GAS2L3: variants seen among roughly 807,000 people sequenced by gnomAD.
GAS2L3 encodes the protein growth arrest specific 2 like 3, also known as GAS2-like protein 3.
In GAS2L3, 28 loss-of-function variants were observed where a neutral mutation model predicts 37.0. That is an observed-to-expected ratio of 0.76 (90% CI 0.56 to 1.04). GAS2L3 has a LOEUF of 1.04. GAS2L3 is among the 50% of genes least tolerant of loss of function. GAS2L3 has a pLI of 0.00. For synonymous variants in GAS2L3, 290 were observed against 296.6 expected, an observed-to-expected ratio of 0.98 and a Z score of 0.23; for missense variants, 793 against 817.6, an observed-to-expected ratio of 0.97 and a Z score of 0.37.
chr12:100,598,522 G>C (rs1955943074), intron 3 of GAS2L3, among the ~76,000 whole-genome samples: 1 of 152,094 alleles, frequency 6.6e-6, no homozygotes, highest in African/African-American at 2.4e-5. Flanking sequence ...TTCCGATGCT[G>C]TCTGTCAGGT....
chr12:100,585,256 T>C (rs1320852144), intron 1 of GAS2L3, among the ~76,000 whole-genome samples: 9 of 151,076 alleles, frequency 6.0e-5, no homozygotes, highest in Admixed American at 5.9e-4. Flanking sequence ...ACTCTTTTTT[T>C]TTCTTCCCCC....
chr12:100,623,184 CAGAGCATAGGACTT>C (rs1956280608), intron 9 of GAS2L3, among the ~76,000 whole-genome samples: 1 of 152,106 alleles, frequency 6.6e-6, no homozygotes, highest in Non-Finnish European at 1.5e-5. Context: ...TAGTAGTGCA[CAGAGCATAGGACTT>C]AGAGTTAAAA....
Position 100,624,019 on chromosome 12 carries a change from C to T in GAS2L3, c.1214C>T (p.Ser405Leu), listed in dbSNP as rs142890138. 501 of 1,614,126 alleles carry T rather than the reference C, an allele frequency of 3.1e-4. No homozygotes were observed. Among genetic ancestry groups the T allele is most frequent in the Non-Finnish European group, 3.8e-4 (454 of 1,180,004 alleles). Residue 405 changes from serine (S) to leucine (L), a missense_variant, in exon 10 of 10, where the codon TCA becomes TTA. Physicochemically the swap from Ser to Leu is moderately radical, Grantham distance 145. Transcript: ENST00000547754. ...PQAPSNNASS[S>L]LASLNPVGKN... ...GCTCCTTCAAACAATGCATCATCTT[C>T]ACTTGCTTCATTAAATCCAGTAGGT...
intron 1 of GAS2L3, chr12:100,579,738 G>T (rs1955686218): frequency 2.7e-6 from 2 of 739,694 alleles, no homozygotes; most frequent in African/African-American, 1.7e-5. Context: ...AAGTACCAGG[G>T]TTGGTGGAAT....
At chr12:100,577,845 A>T (rs564295624) in intron 1 of GAS2L3, among the ~76,000 whole-genome samples, 2 of 152,356 alleles carry the variant, frequency 1.3e-5, no homozygotes, top group Admixed American at 1.3e-4. Flanking sequence ...GCATAGGTGG[A>T]TCAGCAAGTG....
chr12:100,620,235 G>A (rs967579108), intron 8 of GAS2L3, among the ~76,000 whole-genome samples: 1 of 151,866 alleles, frequency 6.6e-6, no homozygotes, highest in Non-Finnish European at 1.5e-5. Flanking sequence ...AATCTTAACA[G>A]GATAATCATT....
rs1955679861 is a variant in GAS2L3, at chr12:100,579,399, C to A, written c.-152+5614C>A. On this transcript the variant is annotated intron_variant, in intron 1 of 9. Transcript: ENST00000547754. Reference sequence around the variant, plus strand: ...GATCCTATTGACTTCACTCCAGACCCATTTAGAAGGCATGATAGTATAACT... The same window carrying A: ...GATCCTATTGACTTCACTCCAGACCAATTTAGAAGGCATGATAGTATAACT... 5.3e-6 allele frequency: 5 copies of A among 946,098 alleles called. No individual in the cohort carries two copies. The Admixed American group carries it at 8.4e-5, about 16-fold the overall frequency. The allele number at this position is 946,098 out of a possible 1,614,324, so 58.6% of individuals were successfully genotyped here.
intron 1 of GAS2L3, chr12:100,579,010 C>T: frequency 1.2e-6 from 1 of 833,696 alleles, no homozygotes; most frequent in South Asian, 1.3e-5. Context: ...ACCTCAAAGT[C>T]TATTACTTGC....
intron 1 of GAS2L3, chr12:100,578,717 A>C (rs1241467356): frequency 4.3e-6 from 2 of 464,162 alleles, no homozygotes; most frequent in East Asian, 7.9e-5. Context: ...GGGTTGCTCT[A>C]AGAACTGATG....
At chr12:100,586,787 G>T (rs1955786977) in intron 1 of GAS2L3, among the ~76,000 whole-genome samples, 1 of 152,094 alleles carries the variant, frequency 6.6e-6, no homozygotes, top group Non-Finnish European at 1.5e-5. Context: ...GAAACAAAAA[G>T]CTGGTTCTTT....
In GAS2L3 at chr12:100,626,465, T is replaced by G. The variant is rs1565818069; in HGVS notation, c.*1575T>G. ...TTAACTCGACTATTGACTTGGGCAT[T>G]GAGAGAGATGATATATACATCTTTG... On this transcript the variant is annotated 3_prime_UTR_variant, in exon 10 of 10. Transcript: ENST00000547754. 6.6e-6 allele frequency: 1 copy of G among 152,174 alleles called. No individual in the cohort carries two copies. Among genetic ancestry groups the G allele is most frequent in the African/African-American group, 2.4e-5 (1 of 41,434 alleles). 9.4% of individuals were successfully genotyped at this position (152,174 alleles called of 1,614,324 possible).
Position 100,625,050 on chromosome 12 carries a change from C to G in GAS2L3, c.*160C>G. ...AAAGGGTTCATCAGAATTCACATAT[C>G]TGAATTCACTGGAAAGAGCCCTTCT... is the stretch of plus-strand genomic sequence containing the variant. On this transcript the variant is annotated 3_prime_UTR_variant, in exon 10 of 10. Coordinates refer to ENST00000547754, the MANE Select transcript of GAS2L3 (RefSeq NM_174942.3). 1 of 573,058 alleles carries G rather than the reference C, an allele frequency of 1.7e-6. No individual in the cohort carries two copies. The highest frequency in any genetic ancestry group is 3.0e-6 in the Non-Finnish European group (1 of 332,748). 35.5% of individuals were successfully genotyped at this position (573,058 alleles called of 1,614,324 possible). A position where few individuals can be genotyped will look rare whatever the true frequency, so the allele number is the denominator to read the frequency against.
At chr12:100,577,529 A>G (rs1342511168) in intron 1 of GAS2L3, among the ~76,000 whole-genome samples, 1 of 152,220 alleles carries the variant, frequency 6.6e-6, no homozygotes, top group Non-Finnish European at 1.5e-5. Flanking sequence ...TTTTCAAATA[A>G]CATGTAATGT....
chr12:100,612,704 A>G (rs1956140640), intron 6 of GAS2L3, among the ~76,000 whole-genome samples: 1 of 152,184 alleles, frequency 6.6e-6, no homozygotes, highest in South Asian at 2.1e-4. Context: ...TTTAAGTTTT[A>G]TACTATATTT....
Position 100,624,238 on chromosome 12 carries a change from A to G in GAS2L3, c.1433A>G (p.His478Arg), listed in dbSNP as rs757095936. The change falls in exon 10 of 10, where the codon CAT becomes CGT. Residue 478 changes from histidine (H) to arginine (R), a missense_variant. By Grantham distance (29) the His-to-Arg change is conservative. Transcript: ENST00000547754. ...CAACCTAAGTATTTGAAACATAATC[A>G]TATTTCTTCCAGAGATAATGCAGTA... is the stretch of plus-strand genomic sequence containing the variant. ...KTQPKYLKHN[H>R]ISSRDNAVSH... 13 of 1,613,988 alleles carry G rather than the reference A, an allele frequency of 8.1e-6. No individual in the cohort carries two copies. Among genetic ancestry groups the G allele is most frequent in the Admixed American group, 3.3e-5 (2 of 59,978 alleles).
intron 6 of GAS2L3, among the ~76,000 whole-genome samples, chr12:100,617,291 A>C (rs757804442): frequency 6.6e-6 from 1 of 152,144 alleles, no homozygotes; most frequent in Non-Finnish European, 1.5e-5. Context: ...TCATTTGGCT[A>C]CCTTTGATAT....
At chr12:100,622,647 C>T (rs1956270122) in intron 9 of GAS2L3, among the ~76,000 whole-genome samples, 1 of 149,154 alleles carries the variant, frequency 6.7e-6, no homozygotes, top group Admixed American at 6.8e-5. Flanking sequence ...AAAATCCTTG[C>T]ATACCTCAAG....
At chr12:100,606,947 G>T (rs767579938) in intron 5 of GAS2L3, among the ~76,000 whole-genome samples, 46 of 151,974 alleles carry the variant, frequency 3.0e-4, no homozygotes, top group Non-Finnish European at 6.0e-4. Context: ...GTGTTTTCCT[G>T]TGTACTATTA....
intron 3 of GAS2L3, among the ~76,000 whole-genome samples, chr12:100,600,086 G>A (rs980269129): frequency 5.3e-5 from 8 of 152,152 alleles, no homozygotes; most frequent in African/African-American, 1.9e-4. Flanking sequence ...ACTTAGCTGG[G>A]TGTGGTGGCA....
Sources: gnomAD v4.1 joint callset for allele counts (sites outside exome capture counted in the v4.1 genomes callset) on GRCh38, gnomAD v4.1.1 for gene constraint, MANE v1.5 for transcripts, NCBI Gene and HGNC (gene_info 2026-07-23, HGNC 2026-07-21) for gene names.